Variants in MYCT1 observed in about 807,000 individuals in gnomAD.
The protein encoded by MYCT1 is MYC target 1.
Under a neutral mutation model 15.0 loss-of-function variants are expected in MYCT1, and 12 were observed. The observed-to-expected ratio is 0.80, with a 90% CI of 0.51 to 1.29. The LOEUF (loss-of-function observed/expected upper bound fraction) is 1.29. MYCT1 is among the 50% of genes most tolerant of loss of function. The pLI, the probability that MYCT1 is intolerant of heterozygous loss-of-function variation, is 0.00. For synonymous variants in MYCT1, 104 were observed against 102.7 expected (o/e 1.01, Z -0.07); for missense variants, 287 against 279.1 (o/e 1.03, Z -0.20).
chr6:152,742,994 G>T, the MYCT1 span, among the ~76,000 whole-genome samples: 1 of 152,090 alleles, frequency 6.6e-6, no homozygotes. Flanking sequence ...GCTCAGCACT[G>T]TTTTGACAGA....
chr6:152,744,896 G>A, the MYCT1 span, among the ~76,000 whole-genome samples: 1 of 152,180 alleles, frequency 6.6e-6, no homozygotes, highest in Admixed American at 6.5e-5. Context: ...GAAACTCAGG[G>A]CTCCTGGGAG....
chr6:152,733,043 G>A, the MYCT1 span, among the ~76,000 whole-genome samples: 1 of 151,712 alleles, frequency 6.6e-6, no homozygotes. Flanking sequence ...ATTTTTGTGT[G>A]TTTGGTTTTG....
chr6:152,738,202 A>G, the MYCT1 span, among the ~76,000 whole-genome samples: 1 of 152,104 alleles, frequency 6.6e-6, no homozygotes, highest in South Asian at 2.1e-4. Context: ...AACAGCATTA[A>G]CAACTATCAT....
rs2099722927 is a variant in MYCT1, at chr6:152,712,496, G to A, written c.197-9246G>A. Among the ~76,000 whole-genome samples, 2 of 71,904 alleles carry A rather than the reference G, an allele frequency of 2.8e-5. 1 individual carries two copies. The highest frequency in any genetic ancestry group is 6.6e-5 in the Non-Finnish European group (2 of 30,170). 47.2% of individuals were successfully genotyped at this position (71,904 alleles called of 152,430 possible). A position where few individuals can be genotyped will look rare whatever the true frequency, so the allele number is the denominator to read the frequency against. ...CCTCGCCCTGCTTCGGCTCGCGCAC[G>A]GTGCGCACACACACTGGCCTGCGCC... On this transcript the variant is annotated intron_variant, in intron 1 of 1. Transcript: ENST00000367245.
chr6:152,731,989 A>G, the MYCT1 span, among the ~76,000 whole-genome samples: 32 of 152,282 alleles, frequency 2.1e-4, no homozygotes, highest in Non-Finnish European at 4.0e-4. Flanking sequence ...AAAACAAACT[A>G]CAGAGTGAAG....
chr6:152,701,044 T>G (rs189179071), intron 1 of MYCT1, among the ~76,000 whole-genome samples: 38 of 152,330 alleles, frequency 2.5e-4, no homozygotes, highest in Admixed American at 2.0e-3. Context: ...TAGCAATGGT[T>G]GATAATATGA....
chr6:152,740,953 C>CCAGCCACTT, the MYCT1 span, among the ~76,000 whole-genome samples: 1 of 152,014 alleles, frequency 6.6e-6, no homozygotes, highest in Admixed American at 6.6e-5. Context: ...CAGGAAAACC[C>CCAGCCACTT]CAGCCACTTT....
intron 1 of MYCT1, chr6:152,706,250 A>G: frequency 1.4e-6 from 1 of 697,270 alleles, no homozygotes; most frequent in Admixed American, 1.8e-5. Flanking sequence ...GCTGATGTTT[A>G]AGAAATCACT....
chr6:152,736,237 C>T, the MYCT1 span, among the ~76,000 whole-genome samples: 137 of 152,164 alleles, frequency 9.0e-4, no homozygotes, highest in Non-Finnish European at 4.4e-4. Context: ...ATTTTAGGTC[C>T]TAACAATATT....
chr6:152,706,818 A>G (rs909394111), intron 1 of MYCT1, among the ~76,000 whole-genome samples: 8 of 151,636 alleles, frequency 5.3e-5, no homozygotes, highest in African/African-American at 1.9e-4. Flanking sequence ...AGCATCTGAA[A>G]TATAACATTT....
chr6:152,721,598 CCTAACA>C, intron 1 of MYCT1, 138 bp from the exon 2 acceptor site: 1 of 740,114 alleles, frequency 1.4e-6, no homozygotes, highest in Non-Finnish European at 2.2e-6. Context: ...TTCATATCCA[CCTAACA>C]CTGTCTTCTA....
chr6:152,745,331 C>T, the MYCT1 span, among the ~76,000 whole-genome samples: 1 of 152,112 alleles, frequency 6.6e-6, no homozygotes, highest in Non-Finnish European at 1.5e-5. Flanking sequence ...GGTGCAGTGG[C>T]TCACACCTGT....
At chr6:152,736,808 G>A in the MYCT1 span, among the ~76,000 whole-genome samples, 1 of 152,172 alleles carries the variant, frequency 6.6e-6, no homozygotes, top group South Asian at 2.1e-4. Flanking sequence ...AAAAACATAT[G>A]CTGTAAGAAT....
chr6:152,727,935 G>T (rs1198483188), downstream of MYCT1, among the ~76,000 whole-genome samples: 1 of 151,952 alleles, frequency 6.6e-6, no homozygotes, highest in Non-Finnish European at 1.5e-5. Flanking sequence ...AGACGGAGAC[G>T]GGCAGATCAC....
intron 1 of MYCT1, among the ~76,000 whole-genome samples, chr6:152,699,287 A>C (rs2099720935): frequency 6.6e-6 from 1 of 152,096 alleles, no homozygotes; most frequent in Non-Finnish European, 1.5e-5. Flanking sequence ...TATTGGTTTT[A>C]AAAGATATTA....
intron 1 of MYCT1, among the ~76,000 whole-genome samples, chr6:152,715,564 A>G (rs907657280): frequency 2.8e-5 from 2 of 71,448 alleles, no homozygotes; most frequent in Non-Finnish European, 6.4e-5. Flanking sequence ...TCTCATTCAC[A>G]TTTTCTTAGA....
intron 1 of MYCT1, among the ~76,000 whole-genome samples, chr6:152,715,223 A>G (rs1195228318): frequency 1.3e-5 from 2 of 152,160 alleles, no homozygotes; most frequent in Non-Finnish European, 2.9e-5. Flanking sequence ...TTAAGAAAAT[A>G]TTTTATTCTC....
chr6:152,705,937 T>G, intron 1 of MYCT1: 2 of 773,114 alleles, frequency 2.6e-6, no homozygotes, highest in Non-Finnish European at 4.8e-6. Flanking sequence ...AGAGATTTTG[T>G]GAATATGGTG....
At chr6:152,726,396 T>TAAAAA (rs55634200), downstream of MYCT1, among the ~76,000 whole-genome samples, 2 of 127,698 alleles carry the variant, frequency 1.6e-5, no homozygotes, top group African/African-American at 3.0e-5. Flanking sequence ...AAACTCTGTC[T>TAAAAA]AAAAAAAAAA....
Sources: allele counts gnomAD v4.1 joint callset (sites outside exome capture counted in the v4.1 genomes callset), GRCh38; gene constraint gnomAD v4.1.1; transcripts MANE v1.5; gene names NCBI Gene and HGNC (gene_info 2026-07-23, HGNC 2026-07-21).